IFT80: variants seen among roughly 807,000 people sequenced by gnomAD.
IFT80 encodes the protein intraflagellar transport protein 80 homolog.
In IFT80, 79 loss-of-function variants were observed where a neutral mutation model predicts 107.9. That is an observed-to-expected ratio of 0.73 (90% CI 0.61 to 0.88). The LOEUF (loss-of-function observed/expected upper bound fraction) is 0.88. IFT80 is among the 40% of genes least tolerant of loss of function. The pLI is 0.00. For missense variants in IFT80, 797 were observed against 914.2 expected (o/e 0.87, Z 1.65); for synonymous variants, 299 against 300.9 (o/e 0.99, Z 0.07).
chr3:160,328,975 G>T (rs772799251), intron 8 of IFT80, among the ~76,000 whole-genome samples: 1 of 151,992 alleles, frequency 6.6e-6, no homozygotes, highest in Non-Finnish European at 1.5e-5. Flanking sequence ...GGGGGACAAT[G>T]CACACTGGGT....
chr3:160,391,602 T>G (rs1312942741), intron 1 of IFT80: 1 of 149,524 alleles, frequency 6.7e-6, no homozygotes, highest in Non-Finnish European at 1.5e-5. Context: ...ACTCAGGAGG[T>G]GGAGGTTGCA....
At position 160,303,966 on chromosome 3, in the gene IFT80, A is replaced by C; in HGVS notation, c.1100T>G (p.Ile367Ser). 1.2e-6 allele frequency: 2 copies of C among 1,611,026 alleles called. No individual in the cohort carries two copies. Among genetic ancestry groups the C allele is most frequent in the Non-Finnish European group, 1.7e-6 (2 of 1,177,492 alleles). ...VFSTKNWNTP[I>S]IFDLKEGTVS... ...AGTTCCTTCTTTGAGATCAAATATAATTGGTGTGTTCCAGTTCTTCGTGCT... is the reference window on the plus strand; with the variant it reads ...AGTTCCTTCTTTGAGATCAAATATACTTGGTGTGTTCCAGTTCTTCGTGCT... The change falls in exon 11 of 20, where the codon ATT becomes AGT. Residue 367 changes from isoleucine to serine, a missense_variant. Physicochemically the swap from Ile to Ser is moderately radical, Grantham distance 142. Transcript: ENST00000326448.
chr3:160,361,977 A>G (rs1721524210), intron 6 of IFT80, among the ~76,000 whole-genome samples: 1 of 152,190 alleles, frequency 6.6e-6, no homozygotes, highest in Non-Finnish European at 1.5e-5. Flanking sequence ...CTAGAGAAAC[A>G]AGAGAAAACA....
intron 5 of IFT80, chr3:160,373,728 T>A (rs1463815835): frequency 1.2e-5 from 2 of 162,996 alleles, no homozygotes; most frequent in African/African-American, 4.8e-5. Context: ...TCATAAGGAG[T>A]GAATGACCCA....
chr3:160,350,415 CAAAA>C (rs60135065), intron 8 of IFT80, among the ~76,000 whole-genome samples: 10 of 116,278 alleles, frequency 8.6e-5, no homozygotes, highest in Non-Finnish European at 1.4e-4. Context: ...GACTCTGTCT[CAAAA>C]AAAAAAAAAA....
At chr3:160,392,095 T>C (rs1713429509) in intron 1 of IFT80, among the ~76,000 whole-genome samples, 1 of 152,208 alleles carries the variant, frequency 6.6e-6, no homozygotes, top group African/African-American at 2.4e-5. Context: ...TAGCAGCATA[T>C]GGAACTATGT....
chr3:160,338,836 C>CT (rs1488397432), intron 8 of IFT80, among the ~76,000 whole-genome samples: 8 of 152,140 alleles, frequency 5.3e-5, no homozygotes, highest in Admixed American at 5.2e-4. Context: ...CTTTCTTTCT[C>CT]TTTTTTCCCC....
At chr3:160,258,913 A>G (rs1712578141) in intron 19 of IFT80, among the ~76,000 whole-genome samples, 1 of 152,100 alleles carries the variant, frequency 6.6e-6, no homozygotes, top group African/African-American at 2.4e-5. Context: ...CCTGGGCAAC[A>G]TGGCAAAGTT....
At chr3:160,299,428 T>C (rs1024343102) in intron 12 of IFT80, among the ~76,000 whole-genome samples, 2 of 152,188 alleles carry the variant, frequency 1.3e-5, no homozygotes, top group East Asian at 3.8e-4. Context: ...AAATTAACAT[T>C]CAAGTCAGAT....
intron 8 of IFT80, among the ~76,000 whole-genome samples, chr3:160,338,922 A>C (rs1025791360): frequency 6.6e-6 from 1 of 152,178 alleles, no homozygotes; most frequent in African/African-American, 2.4e-5. Flanking sequence ...TATTGCTGGG[A>C]TAAACCACTG....
At chr3:160,299,085 G>T (rs972766720) in intron 12 of IFT80, 77 of 988,046 alleles carry the variant, frequency 7.8e-5, no homozygotes, top group Admixed American at 7.5e-4. Flanking sequence ...GTGATCACAG[G>T]GACTTTCAAT....
At chr3:160,266,689 T>C (rs777332741) in intron 19 of IFT80, among the ~76,000 whole-genome samples, 3 of 152,182 alleles carry the variant, frequency 2.0e-5, no homozygotes, top group Admixed American at 6.5e-5. Context: ...TGATCAGAAC[T>C]GTATTTCCTA....
At chr3:160,337,229 T>C (rs1719556796) in intron 8 of IFT80, among the ~76,000 whole-genome samples, 1 of 152,232 alleles carries the variant, frequency 6.6e-6, no homozygotes, top group Non-Finnish European at 1.5e-5. Context: ...AGTCATATTG[T>C]TTATCTGAAG....
At chr3:160,266,342 C>T (rs1005502619) in intron 19 of IFT80, among the ~76,000 whole-genome samples, 6 of 143,034 alleles carry the variant, frequency 4.2e-5, no homozygotes, top group African/African-American at 1.5e-4. Context: ...TTTCTCCTCC[C>T]CCCCCCTTCT....
chr3:160,272,404 A>T (rs1713881864), intron 18 of IFT80, among the ~76,000 whole-genome samples: 1 of 152,208 alleles, frequency 6.6e-6, no homozygotes, highest in Non-Finnish European at 1.5e-5. Context: ...TCTGCTTTAA[A>T]ATAAATGGTA....
chr3:160,381,555 C>T lies in IFT80; in HGVS notation c.207G>A (p.Leu69=), dbSNP rs2108404298. Residue 69 remains leucine (L), a synonymous_variant, in exon 3 of 20, where the codon TTG becomes TTA. Transcript: ENST00000326448. Reference sequence around the variant, plus strand: ...CTGCCTGGGTTTGTTTCTTTACACCCAAACTTTTTGGAAACCAGTGAAAAT... The same window carrying T: ...CTGCCTGGGTTTGTTTCTTTACACCTAAACTTTTTGGAAACCAGTGAAAAT... ...PIDFHWFPKS[L]GVKKQTQAES... is the part of the protein sequence containing the mutation. The T allele has an allele frequency of 6.2e-7, 1 of 1,613,774 alleles. No homozygotes were observed. Among genetic ancestry groups the T allele is most frequent in the Admixed American group, 1.7e-5 (1 of 60,008 alleles).
chr3:160,317,275 G>T (rs1717891186), intron 9 of IFT80, among the ~76,000 whole-genome samples: 1 of 151,938 alleles, frequency 6.6e-6, no homozygotes. Context: ...TAATCATGGA[G>T]AAAGTAAAAC....
intron 3 of IFT80, among the ~76,000 whole-genome samples, chr3:160,380,332 G>A (rs1293757282): frequency 6.6e-6 from 1 of 151,994 alleles, no homozygotes; most frequent in East Asian, 1.9e-4. Flanking sequence ...GATTGACTCA[G>A]TGATGGGCAT....
At chr3:160,326,324 A>G (rs1718673302) in intron 8 of IFT80, among the ~76,000 whole-genome samples, 1 of 152,140 alleles carries the variant, frequency 6.6e-6, no homozygotes, top group Admixed American at 6.6e-5. Flanking sequence ...AACTCATTCT[A>G]TGAGGTCTGC....
Sources: allele counts gnomAD v4.1 joint callset (sites outside exome capture counted in the v4.1 genomes callset), GRCh38; gene constraint gnomAD v4.1.1; transcripts MANE v1.5; gene names NCBI Gene and HGNC (gene_info 2026-07-23, HGNC 2026-07-21).